The following SEMA3A variants were observed in gnomAD, a reference collection of about 807,000 sequenced individuals.
SEMA3A encodes semaphorin-3A.
SEMA3A carries 29 observed loss-of-function variants against 97.9 expected under a neutral mutation model. The ratio of observed to expected loss-of-function variants is 0.30; its 90% CI spans 0.22 to 0.40. The LOEUF is 0.40. Among genes scored for constraint, SEMA3A ranks in the 10% least tolerant of loss-of-function variants. SEMA3A has a pLI of 1.00. For synonymous variants in SEMA3A, 321 were observed against 323.7 expected (o/e 0.99, Z 0.09); for missense variants, 763 against 951.3 (o/e 0.80, Z 2.60).
chr7:84,228,069 G>C lies in SEMA3A; in HGVS notation c.-82-33401C>G, dbSNP rs1455706957. Among the ~76,000 whole-genome samples, 4 of 152,016 alleles carry C rather than the reference G, an allele frequency of 2.6e-5. No homozygotes were observed. The East Asian group carries it at 7.8e-4, about 30-fold the overall frequency. On this transcript the variant is annotated intron_variant, in intron 3 of 3. Transcript: ENST00000424555. ...TCTGTTCTATCAATATGGAGGGCAA[G>C]ATATGGGTTGGGTTGGCTGGGTGCA...
intron 1 of SEMA3A, among the ~76,000 whole-genome samples, chr7:84,387,952 G>A (rs977987625): frequency 4.6e-5 from 7 of 152,090 alleles, no homozygotes; most frequent in African/African-American, 1.2e-4. Flanking sequence ...TGTGAGATAA[G>A]TTTACCACCT....
At chr7:84,001,168 C>T (rs975975405) in intron 12 of SEMA3A, among the ~76,000 whole-genome samples, 7 of 151,528 alleles carry the variant, frequency 4.6e-5, no homozygotes, top group African/African-American at 1.7e-4. Context: ...ATTTTTCTGT[C>T]ATATGTCATT....
At chr7:84,480,268 G>A (rs1339691706) in intron 1 of SEMA3A, among the ~76,000 whole-genome samples, 1 of 152,100 alleles carries the variant, frequency 6.6e-6, no homozygotes, top group Non-Finnish European at 1.5e-5. Context: ...TGCAAGATTG[G>A]ATTTTGATTG....
chr7:84,178,965 C>A (rs559275341), intron 1 of SEMA3A, among the ~76,000 whole-genome samples: 1 of 152,188 alleles, frequency 6.6e-6, no homozygotes, highest in Admixed American at 6.5e-5. Flanking sequence ...TCCATGCCTG[C>A]CAAACGGTTC....
At chr7:84,015,279 G>A (rs558699788) in intron 6 of SEMA3A, among the ~76,000 whole-genome samples, 138 of 151,954 alleles carry the variant, frequency 9.1e-4, no homozygotes, top group Non-Finnish European at 7.6e-4. Context: ...TTGTTGATGC[G>A]GTGAACCTAG....
chr7:84,287,617 A>G (rs1228524364), intron 3 of SEMA3A, among the ~76,000 whole-genome samples: 2 of 152,090 alleles, frequency 1.3e-5, no homozygotes, highest in Admixed American at 6.6e-5. Context: ...ATATTCGTTT[A>G]CCTTGAAAAG....
chr7:84,051,755 G>C (rs544432725), intron 5 of SEMA3A, among the ~76,000 whole-genome samples: 2 of 152,184 alleles, frequency 1.3e-5, no homozygotes, highest in East Asian at 3.9e-4. Context: ...ATGTTGAATA[G>C]GAGTGGTGAG....
chr7:84,117,200 A>G (rs189304551), intron 3 of SEMA3A, among the ~76,000 whole-genome samples: 169 of 152,288 alleles, frequency 1.1e-3, no homozygotes, highest in Non-Finnish European at 2.1e-3. Flanking sequence ...GTATATATCA[A>G]CTTGTAGAAA....
intron 1 of SEMA3A, among the ~76,000 whole-genome samples, chr7:84,441,497 G>C (rs1013209291): frequency 6.6e-6 from 1 of 151,700 alleles, no homozygotes; most frequent in Non-Finnish European, 1.5e-5. Context: ...AAATTTTTTG[G>C]TATAAGGTGC....
chr7:84,099,270 C>A (rs1453532631), intron 4 of SEMA3A, among the ~76,000 whole-genome samples: 1 of 60,490 alleles, frequency 1.7e-5, no homozygotes, highest in Admixed American at 2.4e-4. Context: ...CGGTGTTTCA[C>A]CGTGTTAGCC....
chr7:84,419,840 A>G lies in SEMA3A; in HGVS notation c.-245-47940T>C, dbSNP rs114701276. Among the ~76,000 whole-genome samples, 372 of 152,314 alleles carry G rather than the reference A, an allele frequency of 2.4e-3. 2 individuals are homozygous for G. Among genetic ancestry groups the G allele is most frequent in the African/African-American group, 8.4e-3 (348 of 41,586 alleles). ...TAAAGGCTAAGGCAGCATTGTTAACAGCCTGATTAAGTATTGAAGGAATGC... is the reference window on the plus strand; with the variant it reads ...TAAAGGCTAAGGCAGCATTGTTAACGGCCTGATTAAGTATTGAAGGAATGC... On this transcript the variant is annotated intron_variant, in intron 1 of 3. Transcript: ENST00000424555.
intron 1 of SEMA3A, among the ~76,000 whole-genome samples, chr7:84,452,032 A>T (rs1805569914): frequency 6.6e-6 from 1 of 152,158 alleles, no homozygotes; most frequent in Non-Finnish European, 1.5e-5. Context: ...TTGTTTTTCA[A>T]ATATATTTTT....
intron 1 of SEMA3A, among the ~76,000 whole-genome samples, chr7:84,137,789 A>G (rs1796189090): frequency 6.6e-6 from 1 of 151,918 alleles, no homozygotes; most frequent in Non-Finnish European, 1.5e-5. Context: ...ACAAGAATGG[A>G]TTTTAATTGC....
chr7:84,455,285 C>G (rs139698980), intron 1 of SEMA3A, among the ~76,000 whole-genome samples: 8 of 152,012 alleles, frequency 5.3e-5, no homozygotes, highest in Admixed American at 5.2e-4. Flanking sequence ...TATAGTTTCA[C>G]ATAAACATTG....
At chr7:84,091,834 A>C (rs1794614009) in intron 4 of SEMA3A, among the ~76,000 whole-genome samples, 1 of 152,160 alleles carries the variant, frequency 6.6e-6, no homozygotes, top group Non-Finnish European at 1.5e-5. Context: ...TCTTTTTCTA[A>C]CCTGCAAAGC....
At chr7:84,194,290 T>C (rs773788213) in intron 1 of SEMA3A, among the ~76,000 whole-genome samples, 185 bp downstream of exon 1, 3 of 152,048 alleles carry the variant, frequency 2.0e-5, no homozygotes, top group Non-Finnish European at 4.4e-5. Flanking sequence ...AGTTGTCATA[T>C]ATCAAACAGA....
chr7:84,358,868 T>G (rs1323194478), intron 2 of SEMA3A, among the ~76,000 whole-genome samples: 2 of 152,120 alleles, frequency 1.3e-5, no homozygotes, highest in Non-Finnish European at 2.9e-5. Context: ...TTGTAAGTTG[T>G]ATTCCTAGGT....
intron 1 of SEMA3A, among the ~76,000 whole-genome samples, chr7:84,411,504 C>G (rs968065292): frequency 6.6e-6 from 1 of 151,176 alleles, no homozygotes; most frequent in Non-Finnish European, 1.5e-5. Flanking sequence ...AAACCTATTT[C>G]AAAAATAATA....
intron 2 of SEMA3A, among the ~76,000 whole-genome samples, chr7:84,366,223 G>C (rs1802844840): frequency 1.3e-5 from 2 of 151,174 alleles, no homozygotes; most frequent in Non-Finnish European, 3.0e-5. Context: ...TAGTACACTT[G>C]CTTCAGAAAT....
Sources: gnomAD v4.1 joint callset for allele counts (sites outside exome capture counted in the v4.1 genomes callset) on GRCh38, gnomAD v4.1.1 for gene constraint, MANE v1.5 for transcripts, NCBI Gene and HGNC (gene_info 2026-07-23, HGNC 2026-07-21) for gene names.